The following PPP1R16B variants were observed in gnomAD, a reference collection of about 807,000 sequenced individuals.
The protein encoded by PPP1R16B is protein phosphatase 1 regulatory subunit 16B, also known as protein phosphatase 1 regulatory inhibitor subunit 16B.
PPP1R16B carries 14 observed loss-of-function variants against 61.7 expected under a neutral mutation model. The observed-to-expected ratio is 0.23, with a 90% CI of 0.15 to 0.35. PPP1R16B has a LOEUF of 0.35. Among genes scored for constraint, PPP1R16B ranks in the 10% least tolerant of loss-of-function variants. The pLI is 1.00. For synonymous variants in PPP1R16B, 266 were observed against 305.3 expected (o/e 0.87, Z 1.34); for missense variants, 547 against 752.5 (o/e 0.73, Z 3.19).
At chr20:38,879,082 G>GT (rs2085187945) in intron 2 of PPP1R16B, among the ~76,000 whole-genome samples, 1 of 152,196 alleles carries the variant, frequency 6.6e-6, no homozygotes, top group Non-Finnish European at 1.5e-5. Context: ...CAGTGAAGCT[G>GT]TAAGGAGAGG....
intron 6 of PPP1R16B, 115 bp from the exon 7 acceptor site, chr20:38,905,854 A>G (rs147661018): frequency 4.2e-5 from 45 of 1,071,256 alleles, no homozygotes; most frequent in Middle Eastern, 4.2e-4. Context: ...ATTTCATTCT[A>G]TTCCATTCTA....
intron 2 of PPP1R16B, among the ~76,000 whole-genome samples, chr20:38,867,021 CTGGCTT>C (rs2085095131): frequency 2.0e-5 from 3 of 152,194 alleles, no homozygotes; most frequent in Non-Finnish European, 2.9e-5. Context: ...CTTTTCGTGT[CTGGCTT>C]CTTTCACTTG....
chr20:38,827,400 T>C (rs890149591), intron 1 of PPP1R16B, among the ~76,000 whole-genome samples: 8 of 152,230 alleles, frequency 5.3e-5, no homozygotes, highest in African/African-American at 1.7e-4. Flanking sequence ...CTCTTTGTTC[T>C]TGTTAAATGT....
intron 2 of PPP1R16B, among the ~76,000 whole-genome samples, chr20:38,840,547 A>G (rs559417689): frequency 1.3e-5 from 2 of 152,038 alleles, no homozygotes; most frequent in South Asian, 4.2e-4. Flanking sequence ...ACCTTTGTAT[A>G]TGCAATTCCC....
At chr20:38,873,130 G>A (rs958180464) in intron 2 of PPP1R16B, 1 of 152,334 alleles carries the variant, frequency 6.6e-6, no homozygotes, top group African/African-American at 2.4e-5. Flanking sequence ...GGGAAGCCTG[G>A]GCTGTGCTCC....
intron 1 of PPP1R16B, among the ~76,000 whole-genome samples, chr20:38,834,067 C>T (rs1358411232): frequency 2.6e-5 from 4 of 152,262 alleles, no homozygotes; most frequent in Non-Finnish European, 5.9e-5. Context: ...CCAGCCTTGC[C>T]TGCTGGTTCA....
intron 2 of PPP1R16B, among the ~76,000 whole-genome samples, chr20:38,876,193 G>A (rs1036827393): frequency 3.9e-5 from 6 of 151,970 alleles, no homozygotes; most frequent in African/African-American, 1.5e-4. Context: ...GGCTGGTCTC[G>A]AACTCCTGAC....
At chr20:38,846,729 G>A (rs1020886458) in intron 2 of PPP1R16B, among the ~76,000 whole-genome samples, 4 of 152,158 alleles carry the variant, frequency 2.6e-5, no homozygotes, top group South Asian at 2.1e-4. Flanking sequence ...TTGGCCGGGC[G>A]CTGTGGCTCA....
chr20:38,816,607 T>A (rs557065082), intron 1 of PPP1R16B, among the ~76,000 whole-genome samples: 1 of 152,220 alleles, frequency 6.6e-6, no homozygotes, highest in Non-Finnish European at 1.5e-5. Flanking sequence ...TACATTTTCT[T>A]TGGGCCCACC....
intron 4 of PPP1R16B, among the ~76,000 whole-genome samples, chr20:38,897,932 AT>A (rs2085362294): frequency 6.6e-6 from 1 of 152,146 alleles, no homozygotes; most frequent in Non-Finnish European, 1.5e-5. Context: ...TCCTTTGTCC[AT>A]GTTTGAACTG....
intron 2 of PPP1R16B, among the ~76,000 whole-genome samples, chr20:38,871,788 T>C (rs2145745367): frequency 6.6e-6 from 1 of 152,250 alleles, no homozygotes; most frequent in East Asian, 1.9e-4. Flanking sequence ...GGTGCAGGTG[T>C]GCCCATGGTA....
At position 38,850,731 on chromosome 20, in the gene PPP1R16B, C is replaced by A. The variant is rs547710867; in HGVS notation, c.250+14556C>A. ...CTGTTAATCGCAGCACTTTGGGAGGCCGAGGTGGGCAGATCACCTGAGGTC... is the reference window on the plus strand; with the variant it reads ...CTGTTAATCGCAGCACTTTGGGAGGACGAGGTGGGCAGATCACCTGAGGTC... On this transcript the variant is annotated intron_variant, in intron 2 of 10. Transcript: ENST00000299824. Among the ~76,000 whole-genome samples, 4 of 152,256 alleles carry A rather than the reference C, an allele frequency of 2.6e-5. No homozygotes were observed. In the East Asian group the frequency reaches 7.7e-4, roughly 29 times the overall value.
At chr20:38,855,317 T>A (rs576857028) in intron 2 of PPP1R16B, among the ~76,000 whole-genome samples, 2 of 151,918 alleles carry the variant, frequency 1.3e-5, no homozygotes, top group South Asian at 2.1e-4. Context: ...AATTGCTTTC[T>A]CTAAACTTTT....
intron 1 of PPP1R16B, among the ~76,000 whole-genome samples, chr20:38,811,143 G>A (rs144308816): frequency 2.8e-3 from 315 of 111,344 alleles, no homozygotes; most frequent in African/African-American, 0.011. Context: ...CAGGCAATGT[G>A]CAGCTTGATT....
intron 2 of PPP1R16B, among the ~76,000 whole-genome samples, chr20:38,865,858 C>G (rs1601271528): frequency 6.6e-6 from 1 of 152,110 alleles, no homozygotes; most frequent in African/African-American, 2.4e-5. Context: ...AGGGGCGATG[C>G]CTCACACCTG....
chr20:38,891,172 C>T (rs551573598), intron 3 of PPP1R16B, among the ~76,000 whole-genome samples: 2 of 152,308 alleles, frequency 1.3e-5, no homozygotes, highest in African/African-American at 2.4e-5. Context: ...TGTGGGCTAC[C>T]TCCTACTGCG....
At chr20:38,853,145 C>T (rs148344651) in intron 2 of PPP1R16B, among the ~76,000 whole-genome samples, 3 of 152,232 alleles carry the variant, frequency 2.0e-5, no homozygotes, top group Admixed American at 6.5e-5. Flanking sequence ...GCTCTTTGTA[C>T]GCACAGACTT....
rs369751510 is a variant in PPP1R16B, at chr20:38,882,109, G to A, written c.251-7486G>A. 3.3e-5 allele frequency among the ~76,000 whole-genome samples: 5 copies of A among 152,322 alleles called. No individual in the cohort carries two copies. In the East Asian group the frequency reaches 7.7e-4, roughly 23 times the overall value. ...CTGGATTATGAGGACTAATTGACTT[G>A]ATGGATATGAAGGGCTTAACACAAT... On this transcript the variant is annotated intron_variant, in intron 2 of 10. Transcript: ENST00000299824.
At chr20:38,853,091 C>T (rs752298072) in intron 2 of PPP1R16B, among the ~76,000 whole-genome samples, 1 of 152,036 alleles carries the variant, frequency 6.6e-6, no homozygotes, top group Non-Finnish European at 1.5e-5. Flanking sequence ...CCTTTCTAAT[C>T]GAGTGAGAAA....
Sources: allele counts gnomAD v4.1 joint callset (sites outside exome capture counted in the v4.1 genomes callset), GRCh38; gene constraint gnomAD v4.1.1; transcripts MANE v1.5; gene names NCBI Gene and HGNC (gene_info 2026-07-23, HGNC 2026-07-21).